Variants in JPH1 observed in about 807,000 individuals in gnomAD.
The protein encoded by JPH1 is junctophilin 1, also known as junctophilin-1.
In JPH1, 12 loss-of-function variants were observed where a neutral mutation model predicts 53.6. The observed-to-expected ratio is 0.22, with a 90% CI of 0.14 to 0.36. The LOEUF is 0.36. Among genes scored for constraint, JPH1 ranks in the 10% least tolerant of loss-of-function variants. The pLI, the probability that JPH1 is intolerant of heterozygous loss-of-function variation, is 1.00. For synonymous variants in JPH1, 375 were observed against 363.8 expected, an observed-to-expected ratio of 1.03 and a Z score of -0.35; for missense variants, 808 against 905.5, an observed-to-expected ratio of 0.89 and a Z score of 1.38.
intron 2 of JPH1, among the ~76,000 whole-genome samples, chr8:74,262,189 G>A (rs934449556): frequency 1.3e-5 from 2 of 152,112 alleles, no homozygotes; most frequent in African/African-American, 2.4e-5. Context: ...TTTTGGAACC[G>A]ATGACAAGAA....
chr8:74,260,382 C>T (rs1278179602), intron 2 of JPH1, among the ~76,000 whole-genome samples: 3 of 152,030 alleles, frequency 2.0e-5, no homozygotes, highest in Non-Finnish European at 4.4e-5. Context: ...TGTCTACTGG[C>T]CCCAGAGAGG....
chr8:74,310,713 C>T (rs1212041027), intron 2 of JPH1, among the ~76,000 whole-genome samples: 1 of 152,180 alleles, frequency 6.6e-6, no homozygotes. Flanking sequence ...GGGCCAAAGA[C>T]AGTTTGTTCT....
At chr8:74,273,559 C>T (rs1433061939) in intron 2 of JPH1, among the ~76,000 whole-genome samples, 4 of 152,128 alleles carry the variant, frequency 2.6e-5, no homozygotes, top group Non-Finnish European at 5.9e-5. Flanking sequence ...CAGGATCGCT[C>T]ATATTTTTAA....
chr8:74,261,086 T>G (rs1415098066), intron 2 of JPH1, among the ~76,000 whole-genome samples: 3 of 152,114 alleles, frequency 2.0e-5, no homozygotes, highest in Non-Finnish European at 4.4e-5. Flanking sequence ...TGCTAAGAGT[T>G]CGGGGTGTAG....
At chr8:74,309,914 T>G (rs1807941821) in intron 2 of JPH1, among the ~76,000 whole-genome samples, 1 of 152,238 alleles carries the variant, frequency 6.6e-6, no homozygotes, top group South Asian at 2.1e-4. Context: ...CAAAACAGAT[T>G]CTGCTTATTA....
At position 74,315,509 on chromosome 8, in the gene JPH1, G is replaced by T. The variant is rs1808129380; in HGVS notation, c.491C>A (p.Ala164Asp). The T allele has an allele frequency of 1.2e-6, 2 of 1,604,518 alleles. No individual in the cohort carries two copies. The highest frequency in any genetic ancestry group is 4.5e-5 in the East Asian group (2 of 44,690). The part of the protein sequence containing the change: ...VIRSPLRTSL[A>D]SLRSEQSNGS... ...ATTGCTCTGCTCGCTGCGCAGCGAG[G>T]CCAGCGAGGTACGCAGCGGTGAGCG... Residue 164 changes from alanine (A) to aspartate (D), a missense_variant, in exon 2 of 6, where the codon GCC becomes GAC. Ala to Asp is a moderately radical substitution (Grantham distance 126, BLOSUM62 -2). This residue lies in a region of JPH1 where 756 missense variants were observed against 811.9 expected (regional missense o/e 0.93). Coordinates refer to ENST00000342232, the MANE Select transcript of JPH1 (RefSeq NM_020647.4). This position sits in a 1 kb window ranked among gnomAD's most constrained non-coding sequence, Gnocchi z 6.3.
chr8:74,237,892 A>T (rs1313833701), intron 4 of JPH1, among the ~76,000 whole-genome samples: 3 of 152,218 alleles, frequency 2.0e-5, no homozygotes. Flanking sequence ...AGCTTTTCAA[A>T]TTTCTCTAAT....
intron 4 of JPH1, among the ~76,000 whole-genome samples, chr8:74,240,922 T>C (rs977043006): frequency 6.6e-6 from 1 of 152,232 alleles, no homozygotes; most frequent in Non-Finnish European, 1.5e-5. Context: ...TGAATTTGTA[T>C]ATTCTTTTGG....
chr8:74,260,848 G>T (rs557027612), intron 2 of JPH1, among the ~76,000 whole-genome samples: 1 of 152,280 alleles, frequency 6.6e-6, no homozygotes, highest in South Asian at 2.1e-4. Flanking sequence ...ATCTAAGCAA[G>T]CCTGAAGGCT....
chr8:74,283,693 C>A (rs1008053979), intron 2 of JPH1, among the ~76,000 whole-genome samples: 7 of 152,168 alleles, frequency 4.6e-5, no homozygotes, highest in African/African-American at 1.7e-4. Context: ...TCAGAAACTT[C>A]TTTTAACAGC....
chr8:74,274,055 G>T (rs1235461063), intron 2 of JPH1, among the ~76,000 whole-genome samples: 1 of 152,194 alleles, frequency 6.6e-6, no homozygotes, highest in Non-Finnish European at 1.5e-5. Flanking sequence ...AAATTGGCCT[G>T]CTCTGCGAAG....
intron 2 of JPH1, among the ~76,000 whole-genome samples, chr8:74,277,894 A>T (rs888404427): frequency 2.0e-5 from 3 of 152,168 alleles, no homozygotes; most frequent in Non-Finnish European, 4.4e-5. Context: ...AAACAGGAAG[A>T]GTCTCCCATT....
At chr8:74,241,338 G>A (rs1318787257) in intron 4 of JPH1, among the ~76,000 whole-genome samples, 1 of 152,026 alleles carries the variant, frequency 6.6e-6, no homozygotes, top group African/African-American at 2.4e-5. Flanking sequence ...TTAAGGTAAA[G>A]TCTCATAAAT....
chr8:74,284,859 C>T (rs1193207199), intron 2 of JPH1, among the ~76,000 whole-genome samples: 8 of 144,646 alleles, frequency 5.5e-5, no homozygotes, highest in Non-Finnish European at 7.4e-5. Context: ...AAGTCTCACT[C>T]TGTCACCCAG....
chr8:74,279,222 A>G (rs1222228999), intron 2 of JPH1, among the ~76,000 whole-genome samples: 1 of 152,230 alleles, frequency 6.6e-6, no homozygotes, highest in Non-Finnish European at 1.5e-5. Flanking sequence ...ACTCTGACTT[A>G]GCTCAACTTT....
chr8:74,243,827 TG>T (rs1805767204), intron 4 of JPH1, among the ~76,000 whole-genome samples: 1 of 152,250 alleles, frequency 6.6e-6, no homozygotes, highest in Non-Finnish European at 1.5e-5. Flanking sequence ...CTTTTCTGGC[TG>T]AATAATAAAT....
chr8:74,253,566 G>C (rs970842704), intron 3 of JPH1, among the ~76,000 whole-genome samples: 5 of 152,018 alleles, frequency 3.3e-5, no homozygotes, highest in African/African-American at 7.3e-5. Context: ...AGGAAATAGA[G>C]ACACAAAAAA....
At chr8:74,244,385 T>C (rs868725849) in intron 4 of JPH1, 144 bp downstream of exon 4, 1 of 801,274 alleles carries the variant, frequency 1.2e-6, no homozygotes, top group Non-Finnish European at 1.9e-6. Flanking sequence ...AAGCTACCAA[T>C]GTGTTATGTG....
Position 74,244,990 on chromosome 8 carries a change from G to T in JPH1, c.1444C>A (p.Pro482Thr). The T allele has an allele frequency of 6.2e-7, 1 of 1,614,080 alleles. No individual in the cohort carries two copies. The highest frequency in any genetic ancestry group is 8.5e-7 in the Non-Finnish European group (1 of 1,180,016). ...HSHSPASSPK[P>T]LKKQNPSSGA... is the part of the protein sequence containing the mutation. ...GAGCTGGGGTTTTGCTTCTTCAGGG[G>T]CTTTGGGGAGGAAGCAGGAGAGTGG... The change falls in exon 4 of 6, where the codon CCC (proline) becomes ACC (threonine). Residue 482 changes from proline (P) to threonine (T), a missense_variant. By Grantham distance (38) the Pro-to-Thr change is conservative. Transcript: ENST00000342232.
Sources: gnomAD v4.1 joint callset for allele counts (sites outside exome capture counted in the v4.1 genomes callset) on GRCh38, gnomAD v4.1.1 for gene constraint, gnomAD v4.1.1 regional missense constraint, Gnocchi (gnomAD v3.1) non-coding constraint, MANE v1.5 for transcripts, NCBI Gene and HGNC (gene_info 2026-07-23, HGNC 2026-07-21) for gene names.